ENTREP2: variants seen among roughly 807,000 people sequenced by gnomAD.
ENTREP2 encodes the protein endosomal transmembrane epsin interactor 2, also known as protein ENTREP2.
At chr15:29,225,460 G>T in the ENTREP2 span, among the ~76,000 whole-genome samples, 1 of 152,220 alleles carries the variant, frequency 6.6e-6, no homozygotes, top group South Asian at 2.1e-4. Context: ...GTTGCATTTT[G>T]GTGGGGAACT....
At chr15:29,574,977 T>G in the ENTREP2 span, among the ~76,000 whole-genome samples, 27 of 152,278 alleles carry the variant, frequency 1.8e-4, no homozygotes, top group African/African-American at 6.0e-4. Flanking sequence ...ATGGAGATAA[T>G]GAGGGAACAC....
chr15:29,151,692 G>T, the ENTREP2 span: 1 of 1,466,638 alleles, frequency 6.8e-7, no homozygotes, highest in African/African-American at 1.4e-5. Context: ...CTCCTACACT[G>T]GTTTCAAACC....
At chr15:29,592,654 A>C in the ENTREP2 span, among the ~76,000 whole-genome samples, 1 of 152,018 alleles carries the variant, frequency 6.6e-6, no homozygotes, top group African/African-American at 2.4e-5. Context: ...TGGATGTTTC[A>C]CCTCTTCAAA....
chr15:29,182,891 G>A, the ENTREP2 span, among the ~76,000 whole-genome samples: 2 of 152,028 alleles, frequency 1.3e-5, no homozygotes, highest in Admixed American at 6.6e-5. Flanking sequence ...AAACAGATTG[G>A]TGCTGTAATA....
the ENTREP2 span, among the ~76,000 whole-genome samples, chr15:29,492,246 T>C: frequency 6.6e-6 from 1 of 152,202 alleles, no homozygotes; most frequent in Non-Finnish European, 1.5e-5. Context: ...ATACTCAGAC[T>C]GCAAAGTCAT....
chr15:29,170,110 A>G, the ENTREP2 span, among the ~76,000 whole-genome samples: 1 of 152,034 alleles, frequency 6.6e-6, no homozygotes, highest in Non-Finnish European at 1.5e-5. Flanking sequence ...GATTGAGACC[A>G]TCCTGGCTAA....
chr15:29,289,837 C>T, the ENTREP2 span, among the ~76,000 whole-genome samples: 1 of 152,068 alleles, frequency 6.6e-6, no homozygotes, highest in Non-Finnish European at 1.5e-5. Context: ...CAGAGTGAGA[C>T]TCCATCTCAA....
At chr15:29,270,659 A>C in the ENTREP2 span, among the ~76,000 whole-genome samples, 1 of 152,222 alleles carries the variant, frequency 6.6e-6, no homozygotes, top group Non-Finnish European at 1.5e-5. Context: ...TGAGGAAAAA[A>C]AAGAGAACAC....
chr15:29,588,531 A>G, the ENTREP2 span, among the ~76,000 whole-genome samples: 1 of 73,210 alleles, frequency 1.4e-5, no homozygotes, highest in Non-Finnish European at 2.4e-5. Context: ...GAAGGAAGGA[A>G]GGAAGAGAAA....
the ENTREP2 span, among the ~76,000 whole-genome samples, chr15:29,403,764 C>T: frequency 6.6e-6 from 1 of 152,218 alleles, no homozygotes; most frequent in African/African-American, 2.4e-5. Flanking sequence ...GGCTGTGCTC[C>T]CATTCCTGAC....
chr15:29,322,627 GTCTC>G, the ENTREP2 span, among the ~76,000 whole-genome samples: 1 of 152,184 alleles, frequency 6.6e-6, no homozygotes, highest in African/African-American at 2.4e-5. Context: ...GAGGCCAGCT[GTCTC>G]CACGAGTGCT....
chr15:29,621,792 C>T, the ENTREP2 span, among the ~76,000 whole-genome samples: 1 of 152,166 alleles, frequency 6.6e-6, no homozygotes, highest in African/African-American at 2.4e-5. Flanking sequence ...AAAGCAGGGT[C>T]TTGAAGTGAT....
At chr15:29,570,635 C>T in the ENTREP2 span, 1 of 1,397,774 alleles carries the variant, frequency 7.2e-7, no homozygotes, top group South Asian at 1.4e-5. Flanking sequence ...CAGCACGATG[C>T]GGGAGCGGCC....
the ENTREP2 span, among the ~76,000 whole-genome samples, chr15:29,595,410 A>C: frequency 2.0e-5 from 3 of 152,200 alleles, no homozygotes; most frequent in Non-Finnish European, 4.4e-5. Flanking sequence ...GATTTGTCAC[A>C]ATCAATGAAA....
chr15:29,589,761 G>A, the ENTREP2 span, among the ~76,000 whole-genome samples: 1 of 152,184 alleles, frequency 6.6e-6, no homozygotes, highest in Non-Finnish European at 1.5e-5. Flanking sequence ...CAGACAGTAG[G>A]AAAAACAGTA....
the ENTREP2 span, chr15:29,196,682 AGTGTGTT>A: frequency 9.1e-7 from 1 of 1,096,084 alleles, no homozygotes. Flanking sequence ...AGCCTGTTTC[AGTGTGTT>A]TAAGTAGTAC....
chr15:29,469,061 C>T, the ENTREP2 span, among the ~76,000 whole-genome samples: 3 of 152,156 alleles, frequency 2.0e-5, no homozygotes, highest in Non-Finnish European at 2.9e-5. Context: ...GGTTCCACCC[C>T]ATCCCGATAG....
the ENTREP2 span, among the ~76,000 whole-genome samples, chr15:29,515,355 A>G: frequency 1.3e-5 from 2 of 152,192 alleles, no homozygotes; most frequent in African/African-American, 4.8e-5. Context: ...GGATGTCCCA[A>G]TTCGAGAAGA....
the ENTREP2 span, among the ~76,000 whole-genome samples, chr15:29,345,337 C>T: frequency 6.6e-6 from 1 of 152,142 alleles, no homozygotes; most frequent in Non-Finnish European, 1.5e-5. Context: ...TTCCTGTGAG[C>T]AGCTCAGCCG....
Sources: gnomAD v4.1 joint callset for allele counts (sites outside exome capture counted in the v4.1 genomes callset) on GRCh38, gnomAD v4.1.1 for gene constraint, MANE v1.5 for transcripts, NCBI Gene and HGNC (gene_info 2026-07-23, HGNC 2026-07-21) for gene names.